LRRCC1: variants seen among roughly 807,000 people sequenced by gnomAD.
The protein encoded by LRRCC1 is leucine rich repeat and coiled-coil centrosomal protein 1, also known as leucine-rich repeat and coiled-coil domain-containing protein 1.
In LRRCC1, 115 loss-of-function variants were observed where a neutral mutation model predicts 126.0. The observed-to-expected ratio is 0.91, with a 90% CI of 0.78 to 1.07. The LOEUF (loss-of-function observed/expected upper bound fraction) is 1.07. Ranked by LOEUF, LRRCC1 falls within the 50% of genes least tolerant of loss-of-function variation. LRRCC1 has a pLI of 0.00. For synonymous variants in LRRCC1, 400 were observed against 393.4 expected (o/e 1.02, Z -0.20); for missense variants, 1,172 against 1,175.7 (o/e 1.00, Z 0.05).
intron 12 of LRRCC1, among the ~76,000 whole-genome samples, chr8:85,132,695 A>G (rs1207467566): frequency 1.3e-5 from 2 of 152,110 alleles, no homozygotes; most frequent in Non-Finnish European, 2.9e-5. Flanking sequence ...GCCCAGCCGT[A>G]GTTGAGTACT....
In LRRCC1 at chr8:85,138,178, A is replaced by T; in HGVS notation, c.2637A>T (p.Lys879Asn). 1 of 1,612,352 alleles carries T rather than the reference A, an allele frequency of 6.2e-7. No homozygotes were observed. Among genetic ancestry groups the T allele is most frequent in the Non-Finnish European group, 8.5e-7 (1 of 1,179,210 alleles). ...AGTTGGAAAGGCACAATGAAAGAAAAGAAAAACTAAAACAACAGTTGAAAG... is the reference window on the plus strand; with the variant it reads ...AGTTGGAAAGGCACAATGAAAGAAATGAAAAACTAAAACAACAGTTGAAAG... ...LEKLERHNER[K>N]EKLKQQLKGK... The change falls in exon 16 of 19, where the codon AAA becomes AAT. Residue 879 changes from lysine to asparagine, a missense_variant. By Grantham distance (94) the Lys-to-Asn change is moderately conservative. Transcript: ENST00000360375.
chr8:85,137,545 C>A lies in LRRCC1; in HGVS notation c.2411C>A (p.Thr804Lys), dbSNP rs1810959601. Residue 804 changes from threonine (T) to lysine (K), a missense_variant, in exon 15 of 19, where the codon ACA becomes AAA. Thr to Lys is a moderately conservative substitution (Grantham distance 78). Coordinates refer to ENST00000360375, the MANE Select transcript of LRRCC1 (RefSeq NM_033402.5). Reference protein sequence around the residue: ...LSRENECLRKTNESDSDALRI... With the variant: ...LSRENECLRKKNESDSDALRI... ...AGAGAGAATGAATGTCTGCGAAAGA[C>A]AAATGAAAGTGATAGTGATGCATTA... 3.2e-6 allele frequency: 5 copies of A among 1,561,648 alleles called. No homozygotes were observed. Among genetic ancestry groups the A allele is most frequent in the Non-Finnish European group, 3.5e-6 (4 of 1,158,754 alleles).
chr8:85,144,597 G>C (rs971682617), intron 18 of LRRCC1, among the ~76,000 whole-genome samples: 4 of 147,018 alleles, frequency 2.7e-5, no homozygotes, highest in African/African-American at 9.9e-5. Context: ...TTCCTGAGTA[G>C]CTGGGTACAG....
rs1410666825 is a variant in LRRCC1 at position 85,138,118 on chromosome 8, T to C, written c.2577T>C (p.Asp859=). The C allele has an allele frequency of 6.2e-7, 1 of 1,607,558 alleles. No homozygotes were observed. The highest frequency in any genetic ancestry group is 8.5e-7 in the Non-Finnish European group (1 of 1,176,426). Residue 859 remains aspartate (D), a synonymous_variant, in exon 16 of 19, where the codon GAT becomes GAC. Transcript: ENST00000360375. Reference sequence around the variant, plus strand: ...AAAAATGCACTCAAGAACAACTTGATGAAAAATCTTCACAACTGGATGAGG... The same window carrying C: ...AAAAATGCACTCAAGAACAACTTGACGAAAAATCTTCACAACTGGATGAGG... The part of the protein sequence containing the change: ...EIEKCTQEQL[D]EKSSQLDEVL...
At chr8:85,121,503 G>T (rs1321342525) in intron 6 of LRRCC1, among the ~76,000 whole-genome samples, 1 of 151,930 alleles carries the variant, frequency 6.6e-6, no homozygotes, top group South Asian at 2.1e-4. Context: ...ATGCAATGGC[G>T]TGATCTCAGC....
chr8:85,120,317 G>T (rs566020431), intron 6 of LRRCC1, among the ~76,000 whole-genome samples: 1 of 151,696 alleles, frequency 6.6e-6, no homozygotes, highest in Non-Finnish European at 1.5e-5. Context: ...GAGGTGGGGG[G>T]GTTGATCTAG....
chr8:85,110,144 C>A lies in LRRCC1; in HGVS notation c.340C>A (p.Leu114Ile). 2 of 1,311,614 alleles carry A rather than the reference C, an allele frequency of 1.5e-6. No homozygotes were observed. The highest frequency in any genetic ancestry group is 1.1e-6 in the Non-Finnish European group (1 of 947,816). 81.2% of individuals were successfully genotyped at this position (1,311,614 alleles called of 1,614,324 possible). A position where few individuals can be genotyped will look rare whatever the true frequency, so the allele number is the denominator to read the frequency against. Residue 114 changes from leucine to isoleucine, a missense_variant, in exon 3 of 19, where the codon CTA becomes ATA. Coordinates refer to ENST00000360375, the MANE Select transcript of LRRCC1 (RefSeq NM_033402.5). Reference protein sequence around the residue: ...GLEELINLTRLNVSYNHIDDL... With the variant: ...GLEELINLTRINVSYNHIDDL... The stretch of plus-strand genomic sequence containing the variant: ...TGAAGAACTAATTAATCTGACTAGA[C>A]TAAATGTATCTTATAACCACATAGA...
intron 6 of LRRCC1, 83 bp from the exon 7 acceptor site, chr8:85,123,330 G>T (rs1373506924): frequency 3.3e-6 from 3 of 921,044 alleles, no homozygotes; most frequent in Admixed American, 2.5e-5. Flanking sequence ...CATATAAAAA[G>T]ATATAATATT....
At chr8:85,132,028 T>G (rs1810509346) in intron 12 of LRRCC1, 67 bp downstream of exon 12, 1 of 1,326,056 alleles carries the variant, frequency 7.5e-7, no homozygotes, top group African/African-American at 1.5e-5. Context: ...TGAGAGGACT[T>G]GTTTTAGAAA....
chr8:85,123,867 TG>T (rs1563940734), intron 7 of LRRCC1, among the ~76,000 whole-genome samples: 1 of 152,146 alleles, frequency 6.6e-6, no homozygotes, highest in Admixed American at 6.5e-5. Flanking sequence ...ACTTTAGAAC[TG>T]GAATACCTTA....
rs10647086 is a variant in LRRCC1 at position 85,145,117 on chromosome 8, G to GTATATATATATA, written c.2977-265_2977-254dup. On this transcript the variant is annotated intron_variant, in intron 18 of 18. Transcript: ENST00000360375. ...AATAAATGCATATAAATATATGTGT[G>GTATATATATATA]TATATATATATATATATAGCCATGT... is the stretch of plus-strand genomic sequence containing the variant. Among the ~76,000 whole-genome samples the GTATATATATATA allele has an allele frequency of 2.5e-3, 356 of 143,352 alleles. 1 individual carries two copies. Among genetic ancestry groups the GTATATATATATA allele is most frequent in the Middle Eastern group, 7.3e-3 (2 of 274 alleles). The allele number at this position is 143,352 out of a possible 152,430, so 94.0% of individuals were successfully genotyped here.
chr8:85,107,322 G>C lies in LRRCC1; in HGVS notation c.27G>C (p.Ala9=), dbSNP rs1462455935. The part of the protein sequence containing the change: MEAAAAVV[A]AEAEVENEDG... ...TGGAGGCGGCGGCGGCGGTGGTGGC[G>C]GCAGAGGCGGAAGTGGAAAACGAAG... The change falls in exon 1 of 19, where the codon GCG becomes GCC. Residue 9 remains alanine (A), a synonymous_variant. Coordinates refer to ENST00000360375, the MANE Select transcript of LRRCC1 (RefSeq NM_033402.5). 2.5e-6 allele frequency: 4 copies of C among 1,613,036 alleles called. No individual in the cohort carries two copies. The highest frequency in any genetic ancestry group is 1.1e-5 in the South Asian group (1 of 91,004).
chr8:85,115,216 G>A lies in LRRCC1; in HGVS notation c.661G>A (p.Glu221Lys), dbSNP rs1398867449. 1.6e-5 allele frequency: 25 copies of A among 1,612,676 alleles called. No individual in the cohort carries two copies. The highest frequency in any genetic ancestry group is 2.0e-5 in the Non-Finnish European group (23 of 1,179,186). The change falls in exon 5 of 19, where the codon GAA becomes AAA. Residue 221 changes from glutamate to lysine, a missense_variant. Glu to Lys is a moderately conservative substitution (Grantham distance 56, BLOSUM62 1). Coordinates refer to ENST00000360375, the MANE Select transcript of LRRCC1 (RefSeq NM_033402.5). ...EINSSQLQCL[E>K]GLLDNLVSSD... ...AAATTCATCACAGCTGCAGTGCCTA[G>A]AAGGTCTTTTGGATAATTTAGTTTC...
intron 18 of LRRCC1, among the ~76,000 whole-genome samples, chr8:85,143,294 C>T (rs1811389142): frequency 6.6e-6 from 1 of 151,788 alleles, no homozygotes; most frequent in Non-Finnish European, 1.5e-5. Flanking sequence ...GCACTCCAGC[C>T]TGGGCAACAA....
chr8:85,131,318 C>T (rs938268517), intron 11 of LRRCC1, among the ~76,000 whole-genome samples: 5 of 151,996 alleles, frequency 3.3e-5, no homozygotes, highest in African/African-American at 4.8e-5. Flanking sequence ...AGTGGAGAAC[C>T]GTAAAGAATG....
chr8:85,125,214 A>G (rs190051298), intron 8 of LRRCC1, among the ~76,000 whole-genome samples: 1 of 152,260 alleles, frequency 6.6e-6, no homozygotes, highest in Admixed American at 6.5e-5. Flanking sequence ...TTATTCCTTA[A>G]GGTAGTGCTT....
In LRRCC1 at chr8:85,145,393, A is replaced by G. The variant is rs993268961; in HGVS notation, c.2981A>G (p.His994Arg). 5 of 1,530,982 alleles carry G rather than the reference A, an allele frequency of 3.3e-6. No individual in the cohort carries two copies. Among genetic ancestry groups the G allele is most frequent in the Non-Finnish European group, 4.4e-6 (5 of 1,143,400 alleles). The allele number at this position is 1,530,982 out of a possible 1,614,324, so 94.8% of individuals were successfully genotyped here. ...KCIDSANLKV[H>R]QIEKEMRELL... is the part of the protein sequence containing the mutation. ...AAAATTTACATGTCGATTTAGGTCC[A>G]TCAAATTGAAAAAGAAATGCGTGAA... Residue 994 changes from histidine to arginine, a missense_variant, in exon 19 of 19, where the codon CAT becomes CGT. His to Arg is a conservative substitution (Grantham distance 29). Transcript: ENST00000360375.
At chr8:85,129,143 A>T in intron 9 of LRRCC1, 32 bp from the exon 10 acceptor site, 1 of 1,443,298 alleles carries the variant, frequency 6.9e-7, no homozygotes, top group Non-Finnish European at 9.6e-7. Context: ...TATGTGTAAT[A>T]TACTTAACAC....
rs200703855 is a variant in LRRCC1, at chr8:85,129,221, G to A, written c.1468G>A (p.Glu490Lys). Residue 490 changes from glutamate (E) to lysine (K), a missense_variant, in exon 10 of 19, where the codon GAA becomes AAA. Physicochemically the swap from Glu to Lys is moderately conservative, Grantham distance 56 (BLOSUM62 1). Transcript: ENST00000360375. Reference sequence around the variant, plus strand: ...AGAGAGAAATTCCAAAGGACAACTCGAAGTTATGGTTCACAAACTTCAAAA... The same window carrying A: ...AGAGAGAAATTCCAAAGGACAACTCAAAGTTATGGTTCACAAACTTCAAAA... Reference protein sequence around the residue: ...FRERNSKGQLEVMVHKLQNEI... With the variant: ...FRERNSKGQLKVMVHKLQNEI... The A allele has an allele frequency of 1.2e-4, 194 of 1,612,834 alleles. No homozygotes were observed. The East Asian group carries it at 2.5e-3, about 21-fold the overall frequency.
Sources: gnomAD v4.1 joint callset for allele counts (sites outside exome capture counted in the v4.1 genomes callset) on GRCh38, gnomAD v4.1.1 for gene constraint, MANE v1.5 for transcripts, NCBI Gene and HGNC (gene_info 2026-07-23, HGNC 2026-07-21) for gene names.